Variants in PGBD5 observed in about 807,000 individuals in gnomAD.
PGBD5 encodes the protein piggyBac transposable element derived 5.
A neutral mutation model predicts 47.9 loss-of-function variants in PGBD5; 14 were observed. The observed-to-expected ratio is 0.29, with a 90% CI of 0.19 to 0.46. The LOEUF (loss-of-function observed/expected upper bound fraction) is 0.46. PGBD5 is among the 20% of genes least tolerant of loss of function. The pLI, the probability that PGBD5 is intolerant of heterozygous loss-of-function variation, is 1.00. For missense variants in PGBD5, 635 were observed against 716.0 expected (o/e 0.89, Z 1.29); for synonymous variants, 316 against 306.3 (o/e 1.03, Z -0.33).
At chr1:230,392,964 G>C (rs1656826599) in intron 1 of PGBD5, among the ~76,000 whole-genome samples, 2 of 151,610 alleles carry the variant, frequency 1.3e-5, no homozygotes, top group South Asian at 4.2e-4. Context: ...CACAGGAAGG[G>C]GAGGAGGAGG....
At chr1:230,368,793 G>A (rs1170114138) in intron 1 of PGBD5, among the ~76,000 whole-genome samples, 1 of 48,182 alleles carries the variant, frequency 2.1e-5, no homozygotes, top group African/African-American at 6.4e-5. Flanking sequence ...CCGGGGAAAC[G>A]TGTGTGTATG....
intron 2 of PGBD5, among the ~76,000 whole-genome samples, chr1:230,354,686 C>T (rs560074101): frequency 6.6e-6 from 1 of 152,250 alleles, no homozygotes; most frequent in South Asian, 2.1e-4. Flanking sequence ...CCCTGGGCTA[C>T]AGCCTTCTCT....
At chr1:230,380,581 T>G (rs1310313297) in intron 1 of PGBD5, among the ~76,000 whole-genome samples, 2 of 152,228 alleles carry the variant, frequency 1.3e-5, no homozygotes, top group Non-Finnish European at 2.9e-5. Flanking sequence ...GCCAAGAATC[T>G]GTGCATCTGC....
chr1:230,340,101 A>G (rs1451069699), intron 3 of PGBD5, among the ~76,000 whole-genome samples: 4 of 152,342 alleles, frequency 2.6e-5, no homozygotes, highest in African/African-American at 9.6e-5. Context: ...ATAAAAATAT[A>G]CTATTTTTAT....
At chr1:230,353,385 T>C (rs1667587660) in intron 2 of PGBD5, among the ~76,000 whole-genome samples, 1 of 152,198 alleles carries the variant, frequency 6.6e-6, no homozygotes, top group Non-Finnish European at 1.5e-5. Context: ...GGCTCCAGTT[T>C]TGAGGAGATG....
chr1:230,324,014 C>T (rs558444463), intron 6 of PGBD5, among the ~76,000 whole-genome samples: 4 of 152,242 alleles, frequency 2.6e-5, no homozygotes, highest in Non-Finnish European at 5.9e-5. Flanking sequence ...CAAGGCCAAG[C>T]TCTTCCTCAG....
At chr1:230,363,169 G>A (rs544807853) in intron 1 of PGBD5, among the ~76,000 whole-genome samples, 12 of 152,296 alleles carry the variant, frequency 7.9e-5, no homozygotes, top group African/African-American at 2.9e-4. Context: ...AGGCAGCTCT[G>A]GGCCTTAGCG....
At chr1:230,354,611 T>C (rs532752021) in intron 2 of PGBD5, among the ~76,000 whole-genome samples, 1 of 152,316 alleles carries the variant, frequency 6.6e-6, no homozygotes, top group South Asian at 2.1e-4. Flanking sequence ...AAAAATAGGC[T>C]CCAAGGAGTG....
At position 230,357,407 on chromosome 1, in the gene PGBD5, G is replaced by C. The variant is rs891390956; in HGVS notation, c.332-86C>G. The C allele has an allele frequency of 7.5e-6, 11 of 1,458,356 alleles. No individual in the cohort carries two copies. In the Admixed American group the frequency reaches 7.8e-5, roughly 10 times the overall value. The allele number at this position is 1,458,356 out of a possible 1,614,324, so 90.3% of individuals were successfully genotyped here. On this transcript the variant is annotated intron_variant, in intron 1 of 6. Coordinates refer to ENST00000391860, the MANE Select transcript of PGBD5 (RefSeq NM_001258311.2). This position sits in a 1 kb window ranked among gnomAD's most constrained non-coding sequence, Gnocchi z 5.7. The stretch of plus-strand genomic sequence containing the variant: ...GAGAACGGCTGCATTTCCAATCCCT[G>C]GGTCCCTGGCCGAGTGCCCCCGCTG...
chr1:230,341,513 C>T (rs983635952), intron 3 of PGBD5, among the ~76,000 whole-genome samples: 2 of 152,154 alleles, frequency 1.3e-5, no homozygotes, highest in African/African-American at 4.8e-5. Context: ...AGGAATCCTG[C>T]CAGTAATCTG....
chr1:230,353,986 AGGGAACAGCAAGGCCTGCAAGCCCCT>A, intron 2 of PGBD5, among the ~76,000 whole-genome samples: 1 of 152,304 alleles, frequency 6.6e-6, no homozygotes, highest in South Asian at 2.1e-4. Flanking sequence ...CTGGCAACCC[AGGGAACAGCAAGGCCTGCAAGCCCCT>A]GGGAGAGCCA....
intron 3 of PGBD5, among the ~76,000 whole-genome samples, chr1:230,344,412 A>G (rs538771430): frequency 4.6e-5 from 7 of 152,254 alleles, no homozygotes; most frequent in Non-Finnish European, 1.0e-4. Flanking sequence ...TTACCAAGAA[A>G]CAGTGGCGGT....
rs780229666 is a variant in PGBD5 at position 230,319,830 on chromosome 1, C to A, written c.*3595G>T. On this transcript the variant is annotated 3_prime_UTR_variant, in exon 7 of 7. Transcript: ENST00000391860. ...TAATGTCCCATGGACCACGGGAAGACGTTGTTCAAACTCGAGGCTTTTTTT... is the reference window on the plus strand; with the variant it reads ...TAATGTCCCATGGACCACGGGAAGAAGTTGTTCAAACTCGAGGCTTTTTTT... The A allele has an allele frequency of 2.1e-5, 3 of 145,454 alleles. No homozygotes were observed. The highest frequency in any genetic ancestry group is 4.4e-4 in the South Asian group (2 of 4,570). 9.0% of individuals were successfully genotyped at this position (145,454 alleles called of 1,614,324 possible). A position where few individuals can be genotyped will look rare whatever the true frequency, so the allele number is the denominator to read the frequency against.
At chr1:230,398,332 C>T (rs1159955154) in intron 1 of PGBD5, among the ~76,000 whole-genome samples, 12 of 152,206 alleles carry the variant, frequency 7.9e-5, no homozygotes, top group Non-Finnish European at 2.9e-5. Context: ...GCTGAGGCCT[C>T]TCTCCTGGCT....
Position 230,425,665 on chromosome 1 carries a change from G to T in PGBD5, c.264C>A (p.Asp88Glu), listed in dbSNP as rs1657758579. 8.2e-7 allele frequency: 1 copy of T among 1,219,058 alleles called. No individual in the cohort carries two copies. Among genetic ancestry groups the T allele is most frequent in the Non-Finnish European group, 1.0e-6 (1 of 979,898 alleles). 75.5% of individuals were successfully genotyped at this position (1,219,058 alleles called of 1,614,324 possible). The change falls in exon 1 of 7, where the codon GAC becomes GAA. Residue 88 changes from aspartate (D) to glutamate (E), a missense_variant. By Grantham distance (45) the Asp-to-Glu change is conservative. Transcript: ENST00000391860. The surrounding 1 kb of genome is among the most constrained non-coding windows in gnomAD (Gnocchi z 4.7). ...RAPDAQEPEE[D>E]EAGAGWSAAL... ...CTGCGCTCCAGCCCGCGCCGGCCTC[G>T]TCCTCCTCCGGCTCCTGTGCGTCCG...
intron 5 of PGBD5, among the ~76,000 whole-genome samples, chr1:230,330,684 G>A (rs1322349157): frequency 6.6e-6 from 1 of 152,236 alleles, no homozygotes; most frequent in African/African-American, 2.4e-5. Flanking sequence ...TGCTCACTGA[G>A]CAAGTGTGAA....
chr1:230,362,194 G>T (rs828479), intron 1 of PGBD5: 934,135 of 1,300,866 alleles, frequency 0.72, 338,311 homozygotes, highest in Non-Finnish European at 0.74. Flanking sequence ...GCACGAGAGG[G>T]TGGGGGAGGA....
At chr1:230,383,196 A>G (rs537414223) in intron 1 of PGBD5, among the ~76,000 whole-genome samples, 2 of 152,134 alleles carry the variant, frequency 1.3e-5, no homozygotes, top group East Asian at 3.9e-4. Context: ...CAGCCTCCAG[A>G]GTAGCTGGGA....
intron 1 of PGBD5, among the ~76,000 whole-genome samples, chr1:230,360,123 C>T (rs774663791): frequency 5.3e-5 from 8 of 152,186 alleles, no homozygotes; most frequent in East Asian, 1.9e-4. Flanking sequence ...ATCATGCTGA[C>T]GAAGCAGAAT....
Sources: allele counts gnomAD v4.1 joint callset (sites outside exome capture counted in the v4.1 genomes callset), GRCh38; gene constraint gnomAD v4.1.1; non-coding constraint Gnocchi (gnomAD v3.1); transcripts MANE v1.5; gene names NCBI Gene and HGNC (gene_info 2026-07-23, HGNC 2026-07-21).